LARGE1: variants seen among roughly 807,000 people sequenced by gnomAD.
LARGE1 encodes xylosyl- and glucuronyltransferase LARGE1.
LARGE1 carries 43 observed loss-of-function variants against 87.6 expected under a neutral mutation model. The observed-to-expected ratio is 0.49, with a 90% confidence interval of 0.38 to 0.63. The LOEUF (loss-of-function observed/expected upper bound fraction) is 0.63. Ranked by LOEUF, LARGE1 falls within the 30% of genes least tolerant of loss-of-function variation. The probability of loss-of-function intolerance (pLI) is 0.00; values close to 1 mark genes in which losing one functional copy is unlikely to be tolerated. For missense variants in LARGE1, 802 were observed against 1,000.2 expected (o/e 0.80, Z 2.67); for synonymous variants, 434 against 394.6 (o/e 1.10, Z -1.18).
At chr22:33,821,033 C>T (rs983654739) in intron 1 of LARGE1, among the ~76,000 whole-genome samples, 44 of 152,188 alleles carry the variant, frequency 2.9e-4, no homozygotes, top group East Asian at 1.9e-4. Flanking sequence ...TAATCACCAC[C>T]GTATCTATTG....
intron 11 of LARGE1, among the ~76,000 whole-genome samples, chr22:33,199,532 G>T (rs80044487): frequency 0.03 from 4,594 of 152,152 alleles, 96 homozygotes; most frequent in Admixed American, 0.057. Flanking sequence ...GTTAATTTTT[G>T]TATATGGTGA....
At chr22:33,741,346 C>A (rs1455080821) in intron 2 of LARGE1, among the ~76,000 whole-genome samples, 3 of 152,214 alleles carry the variant, frequency 2.0e-5, no homozygotes, top group Non-Finnish European at 4.4e-5. Flanking sequence ...TGAATGCACT[C>A]CCACTAAGTG....
At chr22:33,087,181 TC>T in the LARGE1 span, among the ~76,000 whole-genome samples, 2 of 152,016 alleles carry the variant, frequency 1.3e-5, no homozygotes, top group African/African-American at 4.8e-5. Context: ...TTATTTTTTT[TC>T]CATTCTAATC....
At chr22:33,716,795 T>C (rs1048369905) in intron 2 of LARGE1, among the ~76,000 whole-genome samples, 2 of 152,108 alleles carry the variant, frequency 1.3e-5, no homozygotes, top group Admixed American at 6.5e-5. Context: ...AACAACCGGT[T>C]CCTAGGAAGT....
At chr22:33,422,087 A>G (rs934452550) in intron 7 of LARGE1, among the ~76,000 whole-genome samples, 2 of 152,206 alleles carry the variant, frequency 1.3e-5, no homozygotes, top group East Asian at 3.8e-4. Context: ...AGGATTTTAA[A>G]CACAGCACAG....
At chr22:33,564,431 T>C (rs1470278626) in intron 6 of LARGE1, among the ~76,000 whole-genome samples, 2 of 152,170 alleles carry the variant, frequency 1.3e-5, no homozygotes, top group African/African-American at 4.8e-5. Flanking sequence ...ACCACAACGT[T>C]AATGAAAGCA....
chr22:33,274,025 T>A lies in LARGE1; in HGVS notation c.*402A>T. 3.0e-6 allele frequency: 1 copy of A among 338,502 alleles called. No homozygotes were observed. The highest frequency in any genetic ancestry group is 5.4e-6 in the Non-Finnish European group (1 of 185,850). 21.0% of individuals were successfully genotyped at this position (338,502 alleles called of 1,614,324 possible). A position where few individuals can be genotyped will look rare whatever the true frequency, so the allele number is the denominator to read the frequency against. On this transcript the variant is annotated 3_prime_UTR_variant, in exon 15 of 15. Coordinates refer to ENST00000397394, the MANE Select transcript of LARGE1 (RefSeq NM_133642.5). Reference sequence around the variant, plus strand: ...TTTCACTTCTATTTCCTGGGACGAATAACCCCTAGAACCCTGACTTCCCTT... The same window carrying A: ...TTTCACTTCTATTTCCTGGGACGAAAAACCCCTAGAACCCTGACTTCCCTT...
Position 33,834,247 on chromosome 22 carries a change from C to CA in LARGE1, c.-82-72690dup, listed in dbSNP as rs1345852856. Among the ~76,000 whole-genome samples, 6 of 152,222 alleles carry CA rather than the reference C, an allele frequency of 3.9e-5. No individual in the cohort carries two copies. The East Asian group carries it at 1.2e-3, about 29-fold the overall frequency. On this transcript the variant is annotated intron_variant, in intron 1 of 14. Coordinates refer to ENST00000397394, the MANE Select transcript of LARGE1 (RefSeq NM_133642.5). ...GTAGAGCTTTCAGACAAATAGGGAG[C>CA]AAAAATAATCATAATCAAGAAAATA... is the stretch of plus-strand genomic sequence containing the variant.
rs114246562 is a variant in LARGE1, at chr22:33,274,442, G to C, written c.2256C>G (p.Ala752=). 1 of 1,614,162 alleles carries C rather than the reference G, an allele frequency of 6.2e-7. No individual in the cohort carries two copies. The highest frequency in any genetic ancestry group is 8.5e-7 in the Non-Finnish European group (1 of 1,180,026). Residue 752 remains alanine (A), a synonymous_variant, in exon 15 of 15, where the codon GCC becomes GCG. Coordinates refer to ENST00000397394, the MANE Select transcript of LARGE1 (RefSeq NM_133642.5). ...YGFAALKYLT[A]ENNS is the part of the protein sequence containing the mutation. Reference sequence around the variant, plus strand: ...CTTCTTGGTGCTAGCTGTTGTTCTCGGCTGTGAGATATTTCAGGGCAGCAA... The same window carrying C: ...CTTCTTGGTGCTAGCTGTTGTTCTCCGCTGTGAGATATTTCAGGGCAGCAA...
At chr22:33,686,698 G>T (rs538466988) in intron 2 of LARGE1, among the ~76,000 whole-genome samples, 18 of 152,260 alleles carry the variant, frequency 1.2e-4, no homozygotes, top group African/African-American at 4.1e-4. Context: ...GGGGACTATG[G>T]CGCCCTTCTC....
the LARGE1 span, among the ~76,000 whole-genome samples, chr22:33,130,513 T>C: frequency 1.3e-5 from 2 of 151,640 alleles, no homozygotes; most frequent in Admixed American, 1.3e-4. Context: ...CTTTTAAAAA[T>C]TCTAAGTCCA....
chr22:33,195,784 T>G (rs1273511842), intron 11 of LARGE1, among the ~76,000 whole-genome samples: 1 of 147,722 alleles, frequency 6.8e-6, no homozygotes, highest in Non-Finnish European at 1.5e-5. Context: ...AGACGGAGTC[T>G]TGCTCTGTCG....
At chr22:33,483,718 G>A (rs1182876491) in intron 6 of LARGE1, among the ~76,000 whole-genome samples, 1 of 152,252 alleles carries the variant, frequency 6.6e-6, no homozygotes, top group Non-Finnish European at 1.5e-5. Flanking sequence ...GTTAAAGGAC[G>A]ATTAAATTAT....
At chr22:33,237,044 T>C (rs1054093576) in intron 11 of LARGE1, among the ~76,000 whole-genome samples, 5 of 152,194 alleles carry the variant, frequency 3.3e-5, no homozygotes, top group African/African-American at 1.2e-4. Flanking sequence ...AATTGGACCA[T>C]AATGGTGTTT....
chr22:33,442,013 C>A (rs142500812), intron 6 of LARGE1, among the ~76,000 whole-genome samples: 2 of 152,208 alleles, frequency 1.3e-5, no homozygotes, highest in African/African-American at 4.8e-5. Flanking sequence ...TCCACCCTTA[C>A]TGAACTATGG....
chr22:33,177,393 T>C (rs1419140110), intron 11 of LARGE1, among the ~76,000 whole-genome samples: 2 of 152,158 alleles, frequency 1.3e-5, no homozygotes, highest in Admixed American at 6.6e-5. Flanking sequence ...AGAGAGAACA[T>C]TTATTCTTTT....
At chr22:33,653,584 A>G (rs1230716785) in intron 2 of LARGE1, among the ~76,000 whole-genome samples, 1 of 152,166 alleles carries the variant, frequency 6.6e-6, no homozygotes, top group Non-Finnish European at 1.5e-5. Flanking sequence ...TGAAATGGGA[A>G]CATAAAATGT....
chr22:33,682,506 A>C lies in LARGE1; in HGVS notation c.107-31838T>G, dbSNP rs1476187731. Among the ~76,000 whole-genome samples, 5 of 152,306 alleles carry C rather than the reference A, an allele frequency of 3.3e-5. No individual in the cohort carries two copies. In the East Asian group the frequency reaches 9.7e-4, roughly 29 times the overall value. ...CAACTCTCAAGTCCCCCTCATCATA[A>C]ATCCATGAGAAATCTTCCTGACTCC... On this transcript the variant is annotated intron_variant, in intron 2 of 14. Coordinates refer to ENST00000397394, the MANE Select transcript of LARGE1 (RefSeq NM_133642.5).
At chr22:33,565,932 C>T (rs2413193) in intron 5 of LARGE1, among the ~76,000 whole-genome samples, 105,807 of 152,064 alleles carry the variant, frequency 0.7, 37,670 homozygotes, top group African/African-American at 0.79. Context: ...ATGAAGATCA[C>T]TGTGGGCAGA....
Sources: allele counts gnomAD v4.1 joint callset (sites outside exome capture counted in the v4.1 genomes callset), GRCh38; gene constraint gnomAD v4.1.1; transcripts MANE v1.5; gene names NCBI Gene and HGNC (gene_info 2026-07-23, HGNC 2026-07-21).